The following DLGAP1 variants were observed in gnomAD, a reference collection of about 807,000 sequenced individuals.
DLGAP1 encodes the protein disks large-associated protein 1.
DLGAP1 carries 11 observed loss-of-function variants against 90.8 expected under a neutral mutation model. The ratio of observed to expected loss-of-function variants is 0.12; its 90% CI spans 0.08 to 0.20. DLGAP1 has a LOEUF of 0.20. Ranked by LOEUF, DLGAP1 falls within the 10% of genes least tolerant of loss-of-function variation. The pLI is 1.00. For missense variants in DLGAP1, 1,050 were observed against 1,333.8 expected, an observed-to-expected ratio of 0.79 and a Z score of 3.31; for synonymous variants, 558 against 540.7, an observed-to-expected ratio of 1.03 and a Z score of -0.44.
chr18:4,170,290 A>G (rs1467750500), intron 1 of DLGAP1, among the ~76,000 whole-genome samples: 1 of 152,184 alleles, frequency 6.6e-6, no homozygotes, highest in Non-Finnish European at 1.5e-5. Flanking sequence ...ATGGAGTTCC[A>G]TTTACTTTGA....
Position 3,879,582 on chromosome 18 carries a change from C to T in DLGAP1, c.487G>A (p.Val163Ile), listed in dbSNP as rs755918617. 8.8e-6 allele frequency: 14 copies of T among 1,599,670 alleles called. No homozygotes were observed. In the African/African-American group the frequency reaches 9.4e-5, roughly 11 times the overall value. ...TCAGGGCTGGCCTTGCCCCCGTTGACGCTGCCCTTGGACGGCCCCTCCAGG... is the reference window on the plus strand; with the variant it reads ...TCAGGGCTGGCCTTGCCCCCGTTGATGCTGCCCTTGGACGGCCCCTCCAGG... The part of the protein sequence containing the change: ...HSLEGPSKGS[V>I]NGGKASPDEA... The change falls in exon 4 of 13, where the codon GTC becomes ATC. Residue 163 changes from valine (V) to isoleucine (I), a missense_variant. Coordinates refer to ENST00000315677, the MANE Select transcript of DLGAP1 (RefSeq NM_004746.4). The surrounding 1 kb of genome is among the most constrained non-coding windows in gnomAD (Gnocchi z 6.6).
chr18:3,883,256 C>T (rs972582185), intron 3 of DLGAP1, among the ~76,000 whole-genome samples: 9 of 152,260 alleles, frequency 5.9e-5, no homozygotes, highest in African/African-American at 1.7e-4. Context: ...AACAAACAAA[C>T]AAACAAACAA....
chr18:4,360,824 C>G lies in DLGAP1; in HGVS notation c.-267+94182G>C, dbSNP rs976355308. Among the ~76,000 whole-genome samples, 96 of 152,002 alleles carry G rather than the reference C, an allele frequency of 6.3e-4. 1 individual carries two copies. Among genetic ancestry groups the G allele is most frequent in the Non-Finnish European group, 2.5e-4 (17 of 68,000 alleles). ...CAAAACCCTGTCTCTACTAAAAACACAAAAAATTAGCCAGGCATGGTGGCG... is the reference window on the plus strand; with the variant it reads ...CAAAACCCTGTCTCTACTAAAAACAGAAAAAATTAGCCAGGCATGGTGGCG... On this transcript the variant is annotated intron_variant, in intron 1 of 12. Transcript: ENST00000315677.
At chr18:4,027,643 CCTT>C (rs2074726281) in intron 2 of DLGAP1, among the ~76,000 whole-genome samples, 1 of 151,764 alleles carries the variant, frequency 6.6e-6, no homozygotes, top group Non-Finnish European at 1.5e-5. Flanking sequence ...CCCTCATACT[CCTT>C]CTCTTCTCTG....
chr18:4,352,701 G>C (rs1170078316), intron 1 of DLGAP1, among the ~76,000 whole-genome samples: 1 of 151,922 alleles, frequency 6.6e-6, no homozygotes, highest in Non-Finnish European at 1.5e-5. Flanking sequence ...CCCCACCCAG[G>C]ACAACCACAA....
At chr18:3,812,532 G>C (rs1352952490) in intron 5 of DLGAP1, among the ~76,000 whole-genome samples, 1 of 152,106 alleles carries the variant, frequency 6.6e-6, no homozygotes, top group Non-Finnish European at 1.5e-5. Context: ...GTGGTAGTTT[G>C]TTCTGATGAT....
At chr18:4,311,859 G>A (rs2080407382) in intron 1 of DLGAP1, among the ~76,000 whole-genome samples, 1 of 152,256 alleles carries the variant, frequency 6.6e-6, no homozygotes, top group South Asian at 2.1e-4. Context: ...GGGATTACAG[G>A]TGCCCGCCAC....
intron 4 of DLGAP1, among the ~76,000 whole-genome samples, chr18:3,872,587 C>T (rs892920464): frequency 2.0e-5 from 3 of 152,158 alleles, no homozygotes; most frequent in African/African-American, 7.2e-5. Flanking sequence ...AAAACATAAT[C>T]TAATTACAAA....
chr18:3,792,837 T>C (rs2148243168), intron 5 of DLGAP1, among the ~76,000 whole-genome samples: 1 of 152,344 alleles, frequency 6.6e-6, no homozygotes, highest in Non-Finnish European at 1.5e-5. Context: ...AGCCTTGGAC[T>C]CTGGCCCTGC....
chr18:3,820,945 T>A (rs1299979849), intron 4 of DLGAP1, among the ~76,000 whole-genome samples: 1 of 152,174 alleles, frequency 6.6e-6, no homozygotes, highest in African/African-American at 2.4e-5. Flanking sequence ...TTTGCAACAG[T>A]TGTATGAAAT....
At chr18:4,238,516 A>T (rs2078465060) in intron 1 of DLGAP1, among the ~76,000 whole-genome samples, 1 of 152,210 alleles carries the variant, frequency 6.6e-6, no homozygotes, top group Non-Finnish European at 1.5e-5. Context: ...TTTTTTAACT[A>T]TGTAAATACA....
intron 7 of DLGAP1, among the ~76,000 whole-genome samples, chr18:3,692,606 G>A (rs1342249732): frequency 1.3e-5 from 2 of 151,582 alleles, no homozygotes; most frequent in South Asian, 2.1e-4. Context: ...TTCTGCAAGC[G>A]AGGGCCAAAT....
At chr18:4,074,896 T>C (rs1261435183) in intron 2 of DLGAP1, among the ~76,000 whole-genome samples, 2 of 152,156 alleles carry the variant, frequency 1.3e-5, no homozygotes, top group South Asian at 2.1e-4. Flanking sequence ...ACTGAAGAAA[T>C]GGATGAATCA....
chr18:4,108,550 C>A (rs569613363), intron 2 of DLGAP1, among the ~76,000 whole-genome samples: 88 of 126,214 alleles, frequency 7.0e-4, no homozygotes, highest in African/African-American at 2.3e-3. Context: ...AAAAAAAAAA[C>A]CAGTAACATC....
intron 8 of DLGAP1, among the ~76,000 whole-genome samples, chr18:3,576,335 C>T (rs1191727345): frequency 6.6e-6 from 1 of 151,604 alleles, no homozygotes; most frequent in Non-Finnish European, 1.5e-5. Context: ...TCTCGGCTCA[C>T]TGCAACCTCC....
intron 4 of DLGAP1, among the ~76,000 whole-genome samples, chr18:3,815,099 G>A (rs908216128): frequency 2.6e-5 from 4 of 152,184 alleles, no homozygotes; most frequent in Non-Finnish European, 4.4e-5. Flanking sequence ...TTTGAAAGGA[G>A]AGCAATTTTA....
At chr18:4,080,855 G>A (rs939351009) in intron 2 of DLGAP1, among the ~76,000 whole-genome samples, 2 of 150,378 alleles carry the variant, frequency 1.3e-5, no homozygotes, top group South Asian at 4.2e-4. Flanking sequence ...TCACCCTGTT[G>A]TTCTCCCCGA....
chr18:3,560,046 T>A (rs975797909), intron 9 of DLGAP1, among the ~76,000 whole-genome samples: 1 of 152,190 alleles, frequency 6.6e-6, no homozygotes, highest in African/African-American at 2.4e-5. Flanking sequence ...CATTTATACA[T>A]GAGTAAGTAA....
At chr18:3,502,263 C>A in intron 12 of DLGAP1, 1 of 1,340,752 alleles carries the variant, frequency 7.5e-7, no homozygotes, top group Non-Finnish European at 9.6e-7. Flanking sequence ...AAGCCACATT[C>A]CCATTTTCCA....
Sources: gnomAD v4.1 joint callset for allele counts (sites outside exome capture counted in the v4.1 genomes callset) on GRCh38, gnomAD v4.1.1 for gene constraint, Gnocchi (gnomAD v3.1) non-coding constraint, MANE v1.5 for transcripts, NCBI Gene and HGNC (gene_info 2026-07-23, HGNC 2026-07-21) for gene names.